ZDBF2: variants seen among roughly 807,000 people sequenced by gnomAD.
ZDBF2 encodes the protein zinc finger DBF-type containing 2.
ZDBF2 carries 6 observed loss-of-function variants against 9.4 expected under a neutral mutation model. The observed-to-expected ratio is 0.64, with a 90% CI of 0.35 to 1.27. ZDBF2 has a LOEUF of 1.27. Among genes scored for constraint, ZDBF2 ranks in the 50% most tolerant of loss-of-function variants. The pLI is 0.03. For missense variants in ZDBF2, 2,697 were observed against 2,766.8 expected (o/e 0.97, Z 0.57); for synonymous variants, 905 against 946.3 (o/e 0.96, Z 0.80).
At chr2:206,278,185 T>G (rs1459391567) in intron 1 of ZDBF2, among the ~76,000 whole-genome samples, 1 of 152,196 alleles carries the variant, frequency 6.6e-6, no homozygotes, top group Admixed American at 6.5e-5. Flanking sequence ...CTCTTTATTT[T>G]TATAATTGTA....
Position 206,308,501 on chromosome 2 carries a change from A to G in ZDBF2, c.3973A>G (p.Ser1325Gly). Residue 1325 changes from serine to glycine, a missense_variant, in exon 5 of 5, where the codon AGT becomes GGT. Physicochemically the swap from Ser to Gly is moderately conservative, Grantham distance 56. Coordinates refer to ENST00000374423, the MANE Select transcript of ZDBF2 (RefSeq NM_020923.3). The part of the protein sequence containing the change: ...VCLDDKGYVP[S>G]DSEIIYVSNI... The stretch of plus-strand genomic sequence containing the variant: ...TCTGGATGATAAGGGCTATGTGCCC[A>G]GTGATTCTGAAATAATTTATGTTTC... 2 of 1,613,108 alleles carry G rather than the reference A, an allele frequency of 1.2e-6. No individual in the cohort carries two copies. Among genetic ancestry groups the G allele is most frequent in the Admixed American group, 1.7e-5 (1 of 59,866 alleles).
At chr2:206,277,326 C>A (rs1432862599) in intron 1 of ZDBF2, among the ~76,000 whole-genome samples, 3 of 149,458 alleles carry the variant, frequency 2.0e-5, no homozygotes, top group Non-Finnish European at 3.0e-5. Flanking sequence ...AAAAAAAAAC[C>A]AAAAACAAAA....
chr2:206,288,287 T>C (rs1476561261), intron 3 of ZDBF2, among the ~76,000 whole-genome samples: 1 of 152,226 alleles, frequency 6.6e-6, no homozygotes, highest in Non-Finnish European at 1.5e-5. Flanking sequence ...TGTTGCTAGA[T>C]AGATGCAGTG....
At chr2:206,297,424 G>T in intron 4 of ZDBF2, 51 bp downstream of exon 4, 1 of 1,516,232 alleles carries the variant, frequency 6.6e-7, no homozygotes, top group Non-Finnish European at 9.0e-7. Flanking sequence ...TGTTACAGTA[G>T]GTGTTTGTGT....
chr2:206,297,878 G>A (rs970042020), intron 4 of ZDBF2, among the ~76,000 whole-genome samples: 6 of 152,026 alleles, frequency 3.9e-5, no homozygotes, highest in African/African-American at 1.2e-4. Flanking sequence ...TTGAGGTTTC[G>A]CCATGTTGGT....
chr2:206,311,229 T>C lies in ZDBF2; in HGVS notation c.6701T>C (p.Leu2234Ser). ...TATATTTCGAAATACTCTGTCTTTT[T>C]ACGTCATAGATATCAGTCCAGGAGC... is the stretch of plus-strand genomic sequence containing the variant. ...RKYISKYSVF[L>S]RHRYQSRSAF... Residue 2234 changes from leucine to serine, a missense_variant, in exon 5 of 5, where the codon TTA becomes TCA. Physicochemically the swap from Leu to Ser is moderately radical, Grantham distance 145. Around this residue, in one of 3 missense-constraint regions of ZDBF2, gnomAD observed 1,783 missense variants for 1,776.5 expected, o/e 1.00. Coordinates refer to ENST00000374423, the MANE Select transcript of ZDBF2 (RefSeq NM_020923.3). 1 of 1,612,070 alleles carries C rather than the reference T, an allele frequency of 6.2e-7. No individual in the cohort carries two copies. Among genetic ancestry groups the C allele is most frequent in the East Asian group, 2.2e-5 (1 of 44,886 alleles).
chr2:206,305,194 C>T lies in ZDBF2; in HGVS notation c.666C>T (p.Asn222=). The change falls in exon 5 of 5, where the codon AAC becomes AAT. Residue 222 remains asparagine, a synonymous_variant. Transcript: ENST00000374423. ...ATTCAGTTAGCAAATGTGACCCAAA[C>T]AAAGTTGAGAAATATCTTGAACAGC... ...HLDSVSKCDP[N]KVEKYLEQPD... is the part of the protein sequence containing the mutation. The T allele has an allele frequency of 6.2e-7, 1 of 1,613,820 alleles. No individual in the cohort carries two copies. Among genetic ancestry groups the T allele is most frequent in the Non-Finnish European group, 8.5e-7 (1 of 1,179,806 alleles).
At chr2:206,278,331 T>C (rs1206273826) in intron 1 of ZDBF2, among the ~76,000 whole-genome samples, 1 of 152,234 alleles carries the variant, frequency 6.6e-6, no homozygotes, top group African/African-American at 2.4e-5. Context: ...CTTGGAGATT[T>C]CGGGAATTAA....
chr2:206,284,156 G>A (rs1214411002), intron 3 of ZDBF2, among the ~76,000 whole-genome samples: 3 of 151,468 alleles, frequency 2.0e-5, no homozygotes, highest in Non-Finnish European at 4.4e-5. Flanking sequence ...TTTGTATAGG[G>A]TGTGAGATAG....
intron 3 of ZDBF2, among the ~76,000 whole-genome samples, chr2:206,296,855 A>T (rs972173852): frequency 4.6e-5 from 7 of 152,136 alleles, no homozygotes; most frequent in Non-Finnish European, 1.0e-4. Context: ...ATTTTTTCTT[A>T]ATATGTAACG....
intron 4 of ZDBF2, among the ~76,000 whole-genome samples, chr2:206,303,041 A>G (rs1168559128): frequency 2.0e-5 from 3 of 152,110 alleles, no homozygotes; most frequent in Non-Finnish European, 4.4e-5. Flanking sequence ...TGTTATAAGT[A>G]ATGAACTGAT....
chr2:206,312,718 A>G lies in ZDBF2; in HGVS notation c.*1125A>G, dbSNP rs552290558. ...CATGAGCCACCATGCCCAGCCTACCATATCAGTTTTTAATAACTTGAACTG... is the reference window on the plus strand; with the variant it reads ...CATGAGCCACCATGCCCAGCCTACCGTATCAGTTTTTAATAACTTGAACTG... On this transcript the variant is annotated 3_prime_UTR_variant, in exon 5 of 5. Transcript: ENST00000374423. The G allele has an allele frequency of 1.3e-5, 2 of 152,314 alleles. No individual in the cohort carries two copies. The highest frequency in any genetic ancestry group is 1.9e-4 in the East Asian group (1 of 5,180). The allele number at this position is 152,314 out of a possible 1,614,324, so 9.4% of individuals were successfully genotyped here.
At position 206,304,841 on chromosome 2, in the gene ZDBF2, G is replaced by C; in HGVS notation, c.313G>C (p.Glu105Gln). Residue 105 changes from glutamate (E) to glutamine (Q), a missense_variant, in exon 5 of 5, where the codon GAG (glutamate) becomes CAG (glutamine). Coordinates refer to ENST00000374423, the MANE Select transcript of ZDBF2 (RefSeq NM_020923.3). ...DKVEDEDATE[E>Q]RPSEVSEPIE... is the part of the protein sequence containing the mutation. ...GGTTGAGGATGAGGATGCTACCGAA[G>C]AGAGACCATCCGAGGTTTCAGAACC... 1 of 1,613,750 alleles carries C rather than the reference G, an allele frequency of 6.2e-7. No homozygotes were observed. The highest frequency in any genetic ancestry group is 8.5e-7 in the Non-Finnish European group (1 of 1,179,792).
At position 206,308,931 on chromosome 2, in the gene ZDBF2, A is replaced by C. The variant is rs763230360; in HGVS notation, c.4403A>C (p.Gln1468Pro). 3.1e-6 allele frequency: 5 copies of C among 1,613,360 alleles called. No homozygotes were observed. The Admixed American group carries it at 8.3e-5, about 27-fold the overall frequency. The change falls in exon 5 of 5, where the codon CAA (glutamine) becomes CCA (proline). Residue 1468 changes from glutamine to proline, a missense_variant. By Grantham distance (76) the Gln-to-Pro change is moderately conservative. This residue lies in a region of ZDBF2 where 1,783 missense variants were observed against 1,776.5 expected (regional missense o/e 1.00). Transcript: ENST00000374423. The part of the protein sequence containing the change: ...SCVHLQSEVD[Q>P]PQVSYKEADL... Reference sequence around the variant, plus strand: ...GTTCATCTTCAGTCAGAAGTTGACCAACCTCAAGTGTCTTACAAAGAGGCA... The same window carrying C: ...GTTCATCTTCAGTCAGAAGTTGACCCACCTCAAGTGTCTTACAAAGAGGCA...
chr2:206,292,474 G>A (rs900238304), intron 3 of ZDBF2, among the ~76,000 whole-genome samples: 2 of 152,122 alleles, frequency 1.3e-5, no homozygotes, highest in Non-Finnish European at 2.9e-5. Context: ...AATACATTAA[G>A]TGAAAATAGG....
chr2:206,281,875 G>T lies in ZDBF2; in HGVS notation c.26G>T (p.Ser9Ile). The change falls in exon 3 of 5, where the codon AGT becomes ATT. Residue 9 changes from serine (S) to isoleucine (I), a missense_variant. By Grantham distance (142) the Ser-to-Ile change is moderately radical. This residue lies in a region of ZDBF2 where 910 missense variants were observed against 973.6 expected (regional missense o/e 0.93). Coordinates refer to ENST00000374423, the MANE Select transcript of ZDBF2 (RefSeq NM_020923.3). ...ATGCAGAAAAGACAAGGATATTGCA[G>T]TTATTGCCGTGTGCAGTATAATAAC... Reference protein sequence around the residue: MQKRQGYCSYCRVQYNNLE... With the variant: MQKRQGYCIYCRVQYNNLE... 3 of 1,613,440 alleles carry T rather than the reference G, an allele frequency of 1.9e-6. No individual in the cohort carries two copies. The highest frequency in any genetic ancestry group is 2.5e-6 in the Non-Finnish European group (3 of 1,179,624).
At chr2:206,292,087 A>T in intron 3 of ZDBF2, 1 of 398,430 alleles carries the variant, frequency 2.5e-6, no homozygotes, top group East Asian at 3.6e-5. Context: ...AAGCTCAGAG[A>T]TACAGGAAGT....
At chr2:206,298,020 C>G (rs1365833318) in intron 4 of ZDBF2, among the ~76,000 whole-genome samples, 1 of 152,110 alleles carries the variant, frequency 6.6e-6, no homozygotes, top group Non-Finnish European at 1.5e-5. Flanking sequence ...AAACTGGTGA[C>G]AATAGCAGAG....
intron 1 of ZDBF2, among the ~76,000 whole-genome samples, chr2:206,278,306 G>A (rs1691136164): frequency 6.6e-6 from 1 of 152,132 alleles, no homozygotes; most frequent in Non-Finnish European, 1.5e-5. Context: ...TGCTTTAAGG[G>A]ATACTGACTC....
Sources: allele counts gnomAD v4.1 joint callset (sites outside exome capture counted in the v4.1 genomes callset), GRCh38; gene constraint gnomAD v4.1.1; regional missense constraint gnomAD v4.1.1; transcripts MANE v1.5; gene names NCBI Gene and HGNC (gene_info 2026-07-23, HGNC 2026-07-21).